CCDC60: variants seen among roughly 807,000 people sequenced by gnomAD.
The protein encoded by CCDC60 is coiled-coil domain containing 60, also known as coiled-coil domain-containing protein 60.
CCDC60 carries 54 observed loss-of-function variants against 63.5 expected under a neutral mutation model. The observed-to-expected ratio is 0.85, with a 90% confidence interval of 0.68 to 1.07. The LOEUF is 1.07. Among genes scored for constraint, CCDC60 ranks in the 50% least tolerant of loss-of-function variants. CCDC60 has a pLI of 0.00. For synonymous variants in CCDC60, 206 were observed against 238.8 expected, an observed-to-expected ratio of 0.86 and a Z score of 1.27; for missense variants, 651 against 684.3, an observed-to-expected ratio of 0.95 and a Z score of 0.54.
chr12:119,353,603 T>A (rs1955683797), intron 1 of CCDC60, among the ~76,000 whole-genome samples: 1 of 127,800 alleles, frequency 7.8e-6, no homozygotes, highest in Non-Finnish European at 1.7e-5. Flanking sequence ...TTCTTCTTTT[T>A]TTTTTTTTTT....
At chr12:119,387,240 G>T (rs891889522) in intron 1 of CCDC60, among the ~76,000 whole-genome samples, 6 of 152,046 alleles carry the variant, frequency 3.9e-5, no homozygotes, top group Non-Finnish European at 8.8e-5. Flanking sequence ...AAAATCATTT[G>T]AGGATCTGAA....
Position 119,443,698 on chromosome 12 carries a change from C to T in CCDC60, c.170+14936C>T, listed in dbSNP as rs776236380. Among the ~76,000 whole-genome samples, 130 of 152,172 alleles carry T rather than the reference C, an allele frequency of 8.5e-4. 3 individuals carry two copies. Among genetic ancestry groups the T allele is most frequent in the Non-Finnish European group, 4.1e-4 (28 of 68,032 alleles). ...CAAAGTGTATGAAAACAAAAACTGT[C>T]TTTAAAACCAGCTTCCCAATCACCT... is the stretch of plus-strand genomic sequence containing the variant. On this transcript the variant is annotated intron_variant, in intron 2 of 13. Transcript: ENST00000327554.
At chr12:119,381,034 G>A (rs77874549) in intron 1 of CCDC60, among the ~76,000 whole-genome samples, 8,467 of 152,172 alleles carry the variant, frequency 0.056, 317 homozygotes, top group South Asian at 0.095. Flanking sequence ...TGACCAACAC[G>A]TCTGGAACAC....
At chr12:119,391,995 G>A (rs981660957) in intron 1 of CCDC60, among the ~76,000 whole-genome samples, 2 of 152,172 alleles carry the variant, frequency 1.3e-5, no homozygotes, top group African/African-American at 4.8e-5. Flanking sequence ...CAAAACCCAG[G>A]AGAGGGCTCT....
In CCDC60 at chr12:119,334,818, T is replaced by A. The variant is rs1426053273; in HGVS notation, c.-359T>A. The A allele has an allele frequency of 6.3e-6, 1 of 158,784 alleles. No individual in the cohort carries two copies. Among genetic ancestry groups the A allele is most frequent in the Non-Finnish European group, 1.4e-5 (1 of 72,568 alleles). The allele number at this position is 158,784 out of a possible 1,614,324, so 9.8% of individuals were successfully genotyped here. ...TGGGAGCCCCTCCATGGGACCCCTCTCACACTTTGTCACTGGAATTTTATT... is the reference window on the plus strand; with the variant it reads ...TGGGAGCCCCTCCATGGGACCCCTCACACACTTTGTCACTGGAATTTTATT... On this transcript the variant is annotated 5_prime_UTR_variant, in exon 1 of 14. Coordinates refer to ENST00000327554, the MANE Select transcript of CCDC60 (RefSeq NM_178499.5).
chr12:119,508,162 C>T (rs749110803), intron 7 of CCDC60, among the ~76,000 whole-genome samples: 1 of 149,890 alleles, frequency 6.7e-6, no homozygotes, highest in Non-Finnish European at 1.5e-5. Flanking sequence ...CAGAGTGAGA[C>T]CATGTCTATA....
intron 1 of CCDC60, among the ~76,000 whole-genome samples, chr12:119,417,823 A>G (rs1189449123): frequency 6.6e-6 from 1 of 152,178 alleles, no homozygotes. Flanking sequence ...TTTGTTTCCC[A>G]ACTTCATCCA....
rs1956798632 is a variant in CCDC60, at chr12:119,420,794, ATGCC to A, written c.91-7886_91-7883del. Among the ~76,000 whole-genome samples, 1 of 152,190 alleles carries A rather than the reference ATGCC, an allele frequency of 6.6e-6. No individual in the cohort carries two copies. Among genetic ancestry groups the A allele is most frequent in the African/African-American group, 2.4e-5 (1 of 41,442 alleles). On this transcript the variant is annotated intron_variant, in intron 1 of 13. Coordinates refer to ENST00000327554, the MANE Select transcript of CCDC60 (RefSeq NM_178499.5). The surrounding 1 kb of genome is among the most constrained non-coding windows in gnomAD (Gnocchi z 4.1). ...CCATGATGTGCTTATTTCACATTAC[ATGCC>A]TGTATCAAAACAACTCATGTATTCC...
chr12:119,424,261 A>G (rs1593067334), intron 1 of CCDC60, among the ~76,000 whole-genome samples: 2 of 152,344 alleles, frequency 1.3e-5, no homozygotes, highest in Admixed American at 1.3e-4. Flanking sequence ...ATGATCTACT[A>G]TCTTTACGTT....
chr12:119,373,820 A>C (rs1955923655), intron 1 of CCDC60, among the ~76,000 whole-genome samples: 1 of 152,182 alleles, frequency 6.6e-6, no homozygotes, highest in South Asian at 2.1e-4. Flanking sequence ...GCAGAGACCA[A>C]ACATGTGGAT....
intron 4 of CCDC60, among the ~76,000 whole-genome samples, chr12:119,483,145 T>C (rs374112371): frequency 1.4e-4 from 21 of 152,174 alleles, no homozygotes; most frequent in African/African-American, 5.1e-4. Context: ...ATACAAGAAG[T>C]ATGGGGAAAG....
rs1224088473 is a variant in CCDC60 at position 119,456,060 on chromosome 12, A to AAAGAAAGCAAGCAAGCAAGCAAGCAAGC, written c.171-15931_171-15930insAAAGCAAGCAAGCAAGCAAGCAAGCAAG. Among the ~76,000 whole-genome samples the AAAGAAAGCAAGCAAGCAAGCAAGCAAGC allele has an allele frequency of 2.4e-4, 29 of 118,848 alleles. No individual in the cohort carries two copies. The highest frequency in any genetic ancestry group is 1.1e-3 in the Admixed American group (12 of 11,402). The allele number at this position is 118,848 out of a possible 152,430, so 78.0% of individuals were successfully genotyped here. On this transcript the variant is annotated intron_variant, in intron 2 of 13. Transcript: ENST00000327554. The surrounding 1 kb of genome is among the most constrained non-coding windows in gnomAD (Gnocchi z 4.6). ...GAAAGAAAGAAAGAAAGAAAGAAAG[A>AAAGAAAGCAAGCAAGCAAGCAAGCAAGC]AAGCAAGCAAGCATGTGCAATTTCA...
At position 119,458,078 on chromosome 12, in the gene CCDC60, G is replaced by A. The variant is rs190652773; in HGVS notation, c.171-13916G>A. ...CATCATTTTTGCCCTCTCTTCCTCC[G>A]AAATCAATATGTCTGGGTGGGCTGA... On this transcript the variant is annotated intron_variant, in intron 2 of 13. Transcript: ENST00000327554. 1.5e-3 allele frequency among the ~76,000 whole-genome samples: 230 copies of A among 152,280 alleles called. 4 individuals carry two copies. The South Asian group carries it at 0.017, about 11-fold the overall frequency.
At chr12:119,521,193 G>A (rs1460657044) in intron 9 of CCDC60, among the ~76,000 whole-genome samples, 1 of 152,178 alleles carries the variant, frequency 6.6e-6, no homozygotes, top group South Asian at 2.1e-4. Context: ...TTAGTGTTGA[G>A]TATAAATGAT....
At chr12:119,496,764 T>C (rs7294898) in intron 5 of CCDC60, among the ~76,000 whole-genome samples, 1,732 of 152,244 alleles carry the variant, frequency 0.011, 38 homozygotes, top group African/African-American at 0.039. Flanking sequence ...TAGGAAGCAG[T>C]GGGGAAGACA....
chr12:119,392,016 A>G (rs779589604), intron 1 of CCDC60, among the ~76,000 whole-genome samples: 3 of 152,188 alleles, frequency 2.0e-5, no homozygotes, highest in Non-Finnish European at 4.4e-5. Context: ...GGAAGTATTC[A>G]GCAATCTGTG....
intron 1 of CCDC60, among the ~76,000 whole-genome samples, chr12:119,367,123 G>A (rs1368480473): frequency 6.6e-6 from 1 of 152,052 alleles, no homozygotes; most frequent in Non-Finnish European, 1.5e-5. Context: ...GTGAGCCACC[G>A]CACCTGGCCT....
At position 119,531,049 on chromosome 12, in the gene CCDC60, G is replaced by T. The variant is rs146708667; in HGVS notation, c.1537G>T (p.Ala513Ser). 1 of 1,613,526 alleles carries T rather than the reference G, an allele frequency of 6.2e-7. No individual in the cohort carries two copies. The highest frequency in any genetic ancestry group is 1.3e-5 in the African/African-American group (1 of 74,870). The change falls in exon 13 of 14, where the codon GCT becomes TCT. Residue 513 changes from alanine to serine, a missense_variant. Ala to Ser is a moderately conservative substitution (Grantham distance 99). Coordinates refer to ENST00000327554, the MANE Select transcript of CCDC60 (RefSeq NM_178499.5). ...TTGGGAACTGTGCTCCCCTGACATC[G>T]CTGTGGCTATTGAGGTAAACACCAC... is the stretch of plus-strand genomic sequence containing the variant. Reference protein sequence around the residue: ...RIWELCSPDIAVAIEFVREHI... With the variant: ...RIWELCSPDISVAIEFVREHI...
chr12:119,417,053 G>T (rs1332542030), intron 1 of CCDC60, among the ~76,000 whole-genome samples: 1 of 152,182 alleles, frequency 6.6e-6, no homozygotes. Flanking sequence ...CCTGGAGGCA[G>T]AAGTTGCAGT....
Sources: gnomAD v4.1 joint callset for allele counts (sites outside exome capture counted in the v4.1 genomes callset) on GRCh38, gnomAD v4.1.1 for gene constraint, Gnocchi (gnomAD v3.1) non-coding constraint, MANE v1.5 for transcripts, NCBI Gene and HGNC (gene_info 2026-07-23, HGNC 2026-07-21) for gene names.